SGSM2: variants seen among roughly 807,000 people sequenced by gnomAD.
SGSM2 encodes small G protein signaling modulator 2, also known as RUN and TBC1 domain containing 1.
SGSM2 carries 89 observed loss-of-function variants against 126.6 expected under a neutral mutation model. The ratio of observed to expected loss-of-function variants is 0.70; its 90% CI spans 0.59 to 0.84. SGSM2 has a LOEUF of 0.84. SGSM2 is among the 40% of genes least tolerant of loss of function. The pLI is 0.00. For missense variants in SGSM2, 1,404 were observed against 1,416.6 expected, an observed-to-expected ratio of 0.99 and a Z score of 0.14; for synonymous variants, 614 against 574.3, an observed-to-expected ratio of 1.07 and a Z score of -0.99.
chr17:2,365,227 C>G lies in SGSM2; in HGVS notation c.1174C>G (p.Pro392Ala). ...WTQQGKGKVF[P>A]KLRKRSSIRS... Reference sequence around the variant, plus strand: ...CCTCCTTCCACAGGGGAAAGTGTTCCCCAAGCTACGGAAACGAAGCAGCAT... The same window carrying G: ...CCTCCTTCCACAGGGGAAAGTGTTCGCCAAGCTACGGAAACGAAGCAGCAT... Residue 392 changes from proline (P) to alanine (A), a missense_variant, in exon 11 of 24, where the codon CCC (proline) becomes GCC (alanine). By Grantham distance (27) the Pro-to-Ala change is conservative (BLOSUM62 -1). Transcript: ENST00000268989. 1 of 1,612,156 alleles carries G rather than the reference C, an allele frequency of 6.2e-7. No homozygotes were observed. Among genetic ancestry groups the G allele is most frequent in the Non-Finnish European group, 8.5e-7 (1 of 1,178,846 alleles).
rs1004698314 is a variant in SGSM2, at chr17:2,378,945, C to CCAGCCTCAATCCCAGCCT, written c.2900-67_2900-50dup. On this transcript the variant is annotated intron_variant, in intron 22 of 23. Transcript: ENST00000268989. ...CCCAGCCTCAGCCTCAGCCTCAGCC[C>CCAGCCTCAATCCCAGCCT]CAGCCTCAATCCCAGCCTCAGCCTC... The CCAGCCTCAATCCCAGCCT allele has an allele frequency of 1.9e-4, 267 of 1,426,472 alleles. 1 individual carries two copies. The Middle Eastern group carries it at 2.8e-3, about 15-fold the overall frequency. 88.4% of individuals were successfully genotyped at this position (1,426,472 alleles called of 1,614,324 possible).
At chr17:2,365,115 C>G in intron 10 of SGSM2, 58 bp downstream of exon 10, 1 of 1,598,396 alleles carries the variant, frequency 6.3e-7, no homozygotes, top group South Asian at 1.1e-5. Flanking sequence ...CTGCCCGCCT[C>G]CCTTCCTTCC....
chr17:2,365,453 A>C, intron 11 of SGSM2, 112 bp downstream of exon 11: 1 of 1,271,862 alleles, frequency 7.9e-7, no homozygotes, highest in South Asian at 1.6e-5. Context: ...AGGCCAGGTT[A>C]ACACCAGAGG....
chr17:2,345,789 G>C (rs2064575290), intron 2 of SGSM2, among the ~76,000 whole-genome samples: 2 of 152,100 alleles, frequency 1.3e-5, no homozygotes, highest in South Asian at 4.2e-4. Context: ...GTCAGGCCAG[G>C]GTATCTCAGG....
chr17:2,367,558 CAGA>C lies in SGSM2; in HGVS notation c.1423+156_1423+158del, dbSNP rs1020736450. 2.6e-5 allele frequency among the ~76,000 whole-genome samples: 4 copies of C among 151,876 alleles called. No homozygotes were observed. Among genetic ancestry groups the C allele is most frequent in the African/African-American group, 4.8e-5 (2 of 41,362 alleles). On this transcript the variant is annotated intron_variant, in intron 12 of 23. Coordinates refer to ENST00000268989, the MANE Select transcript of SGSM2 (RefSeq NM_014853.3). This position sits in a 1 kb window ranked among gnomAD's most constrained non-coding sequence, Gnocchi z 4.0. ...TCCATCGGGGGCAGATCAGGGAGGG[CAGA>C]AGGAGGCCAGACAGGTGCTGGCAAG...
chr17:2,376,915 C>A, intron 20 of SGSM2, 44 bp from the exon 21 acceptor site: 1 of 1,600,538 alleles, frequency 6.2e-7, no homozygotes, highest in Non-Finnish European at 8.6e-7. Context: ...GGCTCTGTCC[C>A]CTGCGTCTCC....
rs1477757555 is a variant in SGSM2 at position 2,343,633 on chromosome 17, C to T, written c.133+13C>T. 3.1e-6 allele frequency: 5 copies of T among 1,613,002 alleles called. No individual in the cohort carries two copies. The East Asian group carries it at 1.1e-4, about 36-fold the overall frequency. On this transcript the variant is annotated intron_variant, in intron 2 of 23. Transcript: ENST00000268989. ...ATTGCTTTATGTGGTGAGTGAGTGA[C>T]TGAAGGATGATGGGAGGTCGGTCTA...
In SGSM2 at chr17:2,373,621, G is replaced by A. The variant is rs373185567; in HGVS notation, c.2100+108G>A. 1.4e-4 allele frequency: 144 copies of A among 1,004,438 alleles called. 2 individuals are homozygous for A. The highest frequency in any genetic ancestry group is 3.1e-4 in the East Asian group (12 of 38,150). 62.2% of individuals were successfully genotyped at this position (1,004,438 alleles called of 1,614,324 possible). On this transcript the variant is annotated intron_variant, in intron 17 of 23. Transcript: ENST00000268989. Reference sequence around the variant, plus strand: ...CCTCTGGGAACTGGTGGGGCCCTGCGAGAAAGGCCTAAGGTGCCTGTGTCT... The same window carrying A: ...CCTCTGGGAACTGGTGGGGCCCTGCAAGAAAGGCCTAAGGTGCCTGTGTCT...
chr17:2,337,940 G>T lies in SGSM2; in HGVS notation c.57+195G>T, dbSNP rs2064156147. 2.0e-5 allele frequency among the ~76,000 whole-genome samples: 3 copies of T among 151,984 alleles called. No homozygotes were observed. The South Asian group carries it at 6.2e-4, about 31-fold the overall frequency. Reference sequence around the variant, plus strand: ...CAGCGCCCCTCTGCCCGGGGGACCCGGCCGGCGCTCCCGGCTTGTTTGCTT... The same window carrying T: ...CAGCGCCCCTCTGCCCGGGGGACCCTGCCGGCGCTCCCGGCTTGTTTGCTT... On this transcript the variant is annotated intron_variant, in intron 1 of 23. Transcript: ENST00000268989. The surrounding 1 kb of genome is among the most constrained non-coding windows in gnomAD (Gnocchi z 5.1).
chr17:2,377,875 T>TTC lies in SGSM2; in HGVS notation c.2822_2823insCT (p.Glu942LeufsTer3). 6.2e-7 allele frequency: 1 copy of TTC among 1,611,348 alleles called. No individual in the cohort carries two copies. The highest frequency in any genetic ancestry group is 8.5e-7 in the Non-Finnish European group (1 of 1,177,682). On this transcript the variant is annotated frameshift_variant, in exon 22 of 24. Transcript: ENST00000268989. LOFTEE classifies it high-confidence loss of function. ...ACATAAGATCCTGGACTCAGAGCTG[T>TTC]TTGAGCTGATGCATCAGAATGGAGA...
intron 1 of SGSM2, among the ~76,000 whole-genome samples, chr17:2,339,058 C>CA (rs1166275303): frequency 5.6e-4 from 75 of 134,908 alleles, no homozygotes; most frequent in Admixed American, 7.5e-4. Flanking sequence ...GACTCCGTCT[C>CA]AAAAAAAAAA....
rs373775545 is a variant in SGSM2, at chr17:2,337,652, G to A, written c.-37G>A. ...GCGCGGAGGCGGCGAGGGCGCGGGG[G>A]CTCTGAGGACCGCTCGGCGCCGCCT... On this transcript the variant is annotated 5_prime_UTR_variant, in exon 1 of 24. Coordinates refer to ENST00000268989, the MANE Select transcript of SGSM2 (RefSeq NM_014853.3). The surrounding 1 kb of genome is among the most constrained non-coding windows in gnomAD (Gnocchi z 5.1). 155 of 1,402,440 alleles carry A rather than the reference G, an allele frequency of 1.1e-4. 1 individual carries two copies. The highest frequency in any genetic ancestry group is 1.4e-4 in the Non-Finnish European group (150 of 1,060,234). The allele number at this position is 1,402,440 out of a possible 1,614,324, so 86.9% of individuals were successfully genotyped here. A position where few individuals can be genotyped will look rare whatever the true frequency, so the allele number is the denominator to read the frequency against.
At chr17:2,351,117 A>G (rs1304051863) in intron 2 of SGSM2, among the ~76,000 whole-genome samples, 1 of 151,856 alleles carries the variant, frequency 6.6e-6, no homozygotes, top group Non-Finnish European at 1.5e-5. Flanking sequence ...GCCGGCCATG[A>G]TGGTGGGTGC....
chr17:2,340,800 G>T (rs948592613), intron 1 of SGSM2, among the ~76,000 whole-genome samples: 1 of 151,496 alleles, frequency 6.6e-6, no homozygotes, highest in Non-Finnish European at 1.5e-5. Flanking sequence ...TAGCCAGGAT[G>T]GTCTCGATCT....
chr17:2,338,084 C>G (rs1256988652), intron 1 of SGSM2, among the ~76,000 whole-genome samples: 3 of 152,086 alleles, frequency 2.0e-5, no homozygotes, highest in Non-Finnish European at 1.5e-5. Flanking sequence ...AGTGCCCGCG[C>G]CGCCAGGGGA....
At chr17:2,353,965 A>G (rs894841195) in intron 2 of SGSM2, among the ~76,000 whole-genome samples, 6 of 149,244 alleles carry the variant, frequency 4.0e-5, no homozygotes, top group East Asian at 2.0e-4. Context: ...CTGGAGTGCA[A>G]TGGTGCAATC....
chr17:2,342,892 G>A (rs946599687), intron 1 of SGSM2, among the ~76,000 whole-genome samples: 9 of 151,710 alleles, frequency 5.9e-5, no homozygotes, highest in African/African-American at 1.5e-4. Flanking sequence ...CAGGAGAATC[G>A]CTTGAACCCG....
chr17:2,356,366 G>A (rs1728651470), intron 2 of SGSM2, among the ~76,000 whole-genome samples: 1 of 4,632 alleles, frequency 2.2e-4, no homozygotes, highest in Non-Finnish European at 4.5e-4. Context: ...TGGTGGAATC[G>A]GGGTGTAAGG....
chr17:2,360,097 C>T (rs566473321), intron 2 of SGSM2, among the ~76,000 whole-genome samples: 1 of 152,332 alleles, frequency 6.6e-6, no homozygotes, highest in Admixed American at 6.5e-5. Context: ...AATCCCAGCA[C>T]TTTGAGAGGC....
Sources: gnomAD v4.1 joint callset for allele counts (sites outside exome capture counted in the v4.1 genomes callset) on GRCh38, gnomAD v4.1.1 for gene constraint, Gnocchi (gnomAD v3.1) non-coding constraint, MANE v1.5 for transcripts, NCBI Gene and HGNC (gene_info 2026-07-23, HGNC 2026-07-21) for gene names.